Variants in ZNF609 observed in about 807,000 individuals in gnomAD.
The protein encoded by ZNF609 is zinc finger protein 609.
Under a neutral mutation model 109.5 loss-of-function variants are expected in ZNF609, and 11 were observed. That is an observed-to-expected ratio of 0.10 (90% CI 0.06 to 0.17). The LOEUF (loss-of-function observed/expected upper bound fraction) is 0.17, where lower values mean the gene tolerates loss of function less well. Ranked by LOEUF, ZNF609 falls within the 10% of genes least tolerant of loss-of-function variation. ZNF609 has a pLI of 1.00. For synonymous variants in ZNF609, 646 were observed against 662.0 expected, an observed-to-expected ratio of 0.98 and a Z score of 0.37; for missense variants, 1,559 against 1,772.4, an observed-to-expected ratio of 0.88 and a Z score of 2.16.
chr15:64,490,272 GTT>G (rs869148522), intron 1 of ZNF609, among the ~76,000 whole-genome samples: 2 of 20,778 alleles, frequency 9.6e-5, no homozygotes, highest in Non-Finnish European at 1.9e-4. Context: ...GCCAGTAGTT[GTT>G]TTTTTTTTTT....
intron 2 of ZNF609, among the ~76,000 whole-genome samples, chr15:64,508,479 CTAAG>C (rs1893667208): frequency 6.6e-6 from 1 of 152,028 alleles, no homozygotes; most frequent in African/African-American, 2.4e-5. Context: ...GTTTTAAACC[CTAAG>C]TGTCTGTCTT....
chr15:64,617,540 G>T lies in ZNF609; in HGVS notation c.748-5287G>T, dbSNP rs1241421109. 2.0e-5 allele frequency among the ~76,000 whole-genome samples: 3 copies of T among 152,018 alleles called. No individual in the cohort carries two copies. In the East Asian group the frequency reaches 5.8e-4, roughly 29 times the overall value. On this transcript the variant is annotated intron_variant, in intron 2 of 9. Coordinates refer to ENST00000326648, the MANE Select transcript of ZNF609 (RefSeq NM_015042.2). ...CATGTCTGTAATCCCAGCACTTTGG[G>T]ATGCTGTGGCGGTTGGATCACCTGA...
intron 1 of ZNF609, among the ~76,000 whole-genome samples, chr15:64,475,502 C>T (rs2140333200): frequency 6.7e-6 from 1 of 149,976 alleles, no homozygotes; most frequent in South Asian, 2.1e-4. Flanking sequence ...GATTCTCCTG[C>T]CTCAGCCTCC....
intron 1 of ZNF609, among the ~76,000 whole-genome samples, chr15:64,473,935 C>G (rs554718825): frequency 6.6e-6 from 1 of 150,522 alleles, no homozygotes; most frequent in African/African-American, 2.4e-5. Context: ...TCATTGCACT[C>G]GGCTAATTTT....
chr15:64,600,642 A>G, intron 2 of ZNF609, among the ~76,000 whole-genome samples: 1 of 127,212 alleles, frequency 7.9e-6, no homozygotes. Context: ...TCTCTGAAAG[A>G]AAGAAAGAAA....
At chr15:64,560,912 T>G (rs1894667475) in intron 2 of ZNF609, among the ~76,000 whole-genome samples, 1 of 152,214 alleles carries the variant, frequency 6.6e-6, no homozygotes, top group South Asian at 2.1e-4. Context: ...TTTTTGAGCA[T>G]AGTCTCAATG....
In ZNF609 at chr15:64,607,439, T is replaced by C. The variant is rs562952155; in HGVS notation, c.748-15388T>C. Among the ~76,000 whole-genome samples the C allele has an allele frequency of 2.0e-5, 3 of 152,050 alleles. No homozygotes were observed. The South Asian group carries it at 6.2e-4, about 32-fold the overall frequency. ...CAGCTGTCTTCTATTAAACCAGACA[T>C]TGAAAATAATATGTTAATATTTAAC... On this transcript the variant is annotated intron_variant, in intron 2 of 9. Transcript: ENST00000326648.
At chr15:64,485,863 A>G (rs1266685725) in intron 1 of ZNF609, among the ~76,000 whole-genome samples, 1 of 152,228 alleles carries the variant, frequency 6.6e-6, no homozygotes, top group African/African-American at 2.4e-5. Context: ...CAGTGGTAAC[A>G]TCTTGCTAAA....
chr15:64,520,351 T>C (rs1297844469), intron 2 of ZNF609, among the ~76,000 whole-genome samples: 2 of 152,090 alleles, frequency 1.3e-5, no homozygotes, highest in African/African-American at 2.4e-5. Flanking sequence ...CTGCCAAATA[T>C]CCCCTGGAGG....
At chr15:64,459,742 G>C (rs1173398236), upstream of ZNF609, among the ~76,000 whole-genome samples, 1 of 152,186 alleles carries the variant, frequency 6.6e-6, no homozygotes, top group Non-Finnish European at 1.5e-5. Flanking sequence ...GGAATGAGAT[G>C]GAAGTCTTAG....
At chr15:64,535,975 T>C (rs1297623332) in intron 2 of ZNF609, among the ~76,000 whole-genome samples, 7 of 152,134 alleles carry the variant, frequency 4.6e-5, no homozygotes, top group African/African-American at 7.2e-5. Flanking sequence ...TCATTTTTAT[T>C]ATTTTCATTA....
At chr15:64,648,896 G>C (rs193245539) in intron 3 of ZNF609, among the ~76,000 whole-genome samples, 1 of 152,024 alleles carries the variant, frequency 6.6e-6, no homozygotes. Context: ...TCTTACTTTA[G>C]TGGCCAGATT....
At chr15:64,541,843 A>G (rs1034306091) in intron 2 of ZNF609, among the ~76,000 whole-genome samples, 7 of 142,474 alleles carry the variant, frequency 4.9e-5, no homozygotes, top group African/African-American at 1.6e-4. Context: ...CCAACTCAAA[A>G]AAAAAAAAAA....
chr15:64,591,608 G>T (rs903755870), intron 2 of ZNF609, among the ~76,000 whole-genome samples: 7 of 151,726 alleles, frequency 4.6e-5, no homozygotes, highest in Non-Finnish European at 4.4e-5. Flanking sequence ...GCCAGGCATG[G>T]TGGCTCATGC....
chr15:64,670,607 G>A (rs1188573072), intron 4 of ZNF609, among the ~76,000 whole-genome samples, 174 bp downstream of exon 4: 4 of 152,272 alleles, frequency 2.6e-5, no homozygotes, highest in Admixed American at 1.3e-4. Flanking sequence ...GGCCAGGCGC[G>A]GTGGCTCACG....
chr15:64,490,439 A>G (rs1893398461), intron 1 of ZNF609, among the ~76,000 whole-genome samples: 1 of 151,566 alleles, frequency 6.6e-6, no homozygotes, highest in African/African-American at 2.4e-5. Context: ...ACACCTGGCT[A>G]GTTTTTGTAT....
At chr15:64,602,767 G>C (rs1423060542) in intron 2 of ZNF609, among the ~76,000 whole-genome samples, 1 of 125,764 alleles carries the variant, frequency 8.0e-6, no homozygotes, top group Non-Finnish European at 1.6e-5. Flanking sequence ...CTGTCACCCA[G>C]GCTGGAGTGC....
chr15:64,558,908 A>AT (rs765518562), intron 2 of ZNF609, among the ~76,000 whole-genome samples: 1 of 146,456 alleles, frequency 6.8e-6, no homozygotes, highest in East Asian at 2.0e-4. Flanking sequence ...TTTAGTTGCC[A>AT]TTTCCTTTGA....
intron 2 of ZNF609, among the ~76,000 whole-genome samples, chr15:64,543,445 G>C (rs894961698): frequency 2.1e-5 from 3 of 141,548 alleles, no homozygotes; most frequent in African/African-American, 7.6e-5. Context: ...TTTGTTTTTT[G>C]CTTTTTTTTT....
Sources: allele counts gnomAD v4.1 joint callset (sites outside exome capture counted in the v4.1 genomes callset), GRCh38; gene constraint gnomAD v4.1.1; transcripts MANE v1.5; gene names NCBI Gene and HGNC (gene_info 2026-07-23, HGNC 2026-07-21).